The following PCDHGA6 variants were observed in gnomAD, a reference collection of about 807,000 sequenced individuals.
PCDHGA6 encodes the protein protocadherin gamma-A6.
PCDHGA6 carries 41 observed loss-of-function variants against 60.6 expected under a neutral mutation model. That is an observed-to-expected ratio of 0.68 (90% CI 0.53 to 0.88). The LOEUF (loss-of-function observed/expected upper bound fraction) is 0.88. Among genes scored for constraint, PCDHGA6 ranks in the 40% least tolerant of loss-of-function variants. The probability of loss-of-function intolerance (pLI) is 0.00; values close to 1 mark genes in which losing one functional copy is unlikely to be tolerated. For synonymous variants in PCDHGA6, 594 were observed against 524.4 expected, an observed-to-expected ratio of 1.13 and a Z score of -1.81; for missense variants, 1,312 against 1,203.0, an observed-to-expected ratio of 1.09 and a Z score of -1.34.
At chr5:141,425,289 A>C (rs17208404) in intron 1 of PCDHGA6, among the ~76,000 whole-genome samples, 26,691 of 152,172 alleles carry the variant, frequency 0.18, 2,539 homozygotes, top group Admixed American at 0.28. Flanking sequence ...CATATTATAA[A>C]ACCTCATCTA....
At chr5:141,393,299 G>T (rs768038476) in intron 1 of PCDHGA6, 8 of 1,613,780 alleles carry the variant, frequency 5.0e-6, no homozygotes, top group Middle Eastern at 1.6e-4. Context: ...ACCCGGATGT[G>T]GGCGTGAACT....
chr5:141,404,840 C>G lies in PCDHGA6; in HGVS notation c.2424+28333C>G, dbSNP rs377389968. ...GCACACAGGTGAAGTGCGCACAGCT[C>G]GGGCCCTGCTAGATAGAGATGCGCT... is the stretch of plus-strand genomic sequence containing the variant. On this transcript the variant is annotated intron_variant, in intron 1 of 3. Transcript: ENST00000517434. 4 of 1,613,698 alleles carry G rather than the reference C, an allele frequency of 2.5e-6. No individual in the cohort carries two copies. In the Admixed American group the frequency reaches 5.0e-5, roughly 20 times the overall value.
intron 1 of PCDHGA6, chr5:141,385,038 G>C (rs377185831): frequency 4.3e-6 from 7 of 1,614,138 alleles, no homozygotes; most frequent in Non-Finnish European, 5.9e-6. Flanking sequence ...TACTGCTGGC[G>C]CTCAGGCTGC....
chr5:141,375,581 C>A lies in PCDHGA6; in HGVS notation c.1498C>A (p.Pro500Thr). 1.2e-6 allele frequency: 2 copies of A among 1,614,174 alleles called. No homozygotes were observed. The highest frequency in any genetic ancestry group is 8.5e-7 in the Non-Finnish European group (1 of 1,180,018). ...GGCAGAAGACACCCTCCAGGGGGCG[C>A]CCCTGTCCTCCTACGTGTCCATCAA... is the stretch of plus-strand genomic sequence containing the variant. ...SLAEDTLQGA[P>T]LSSYVSINSD... Residue 500 changes from proline to threonine, a missense_variant, in exon 1 of 4, where the codon CCC (proline) becomes ACC (threonine). Transcript: ENST00000517434.
rs769760594 is a variant in PCDHGA6, at chr5:141,389,212, TA to T, written c.2424+12708del. ...AGCATCACCCTGCACATTGGTGATG[TA>T]AATGACAACGCTCCGGTTTTCTCAC... On this transcript the variant is annotated intron_variant, in intron 1 of 3. Coordinates refer to ENST00000517434, the MANE Select transcript of PCDHGA6 (RefSeq NM_018919.3). 96 of 1,614,016 alleles carry T rather than the reference TA, an allele frequency of 5.9e-5. No homozygotes were observed. The East Asian group carries it at 2.0e-3, about 33-fold the overall frequency.
At chr5:141,506,898 T>C (rs2099857040) in intron 3 of PCDHGA6, among the ~76,000 whole-genome samples, 1 of 152,260 alleles carries the variant, frequency 6.6e-6, no homozygotes, top group East Asian at 1.9e-4. Context: ...AGAAGCACTG[T>C]CATCACACCT....
rs1357062991 is a variant in PCDHGA6 at position 141,373,976 on chromosome 5, G to T, written c.-108G>T. 9.4e-7 allele frequency: 1 copy of T among 1,066,506 alleles called. No homozygotes were observed. Among genetic ancestry groups the T allele is most frequent in the Non-Finnish European group, 1.3e-6 (1 of 786,132 alleles). The allele number at this position is 1,066,506 out of a possible 1,614,324, so 66.1% of individuals were successfully genotyped here. A position where few individuals can be genotyped will look rare whatever the true frequency, so the allele number is the denominator to read the frequency against. On this transcript the variant is annotated 5_prime_UTR_variant, in exon 1 of 4. Coordinates refer to ENST00000517434, the MANE Select transcript of PCDHGA6 (RefSeq NM_018919.3). ...TTCTGACCTGAAACGCTTCGCATCC[G>T]GTCTCTGCTTGTTGAAGGACCTTCA...
Position 141,400,079 on chromosome 5 carries a change from C to G in PCDHGA6, c.2424+23572C>G, listed in dbSNP as rs1377742612. On this transcript the variant is annotated intron_variant, in intron 1 of 3. Coordinates refer to ENST00000517434, the MANE Select transcript of PCDHGA6 (RefSeq NM_018919.3). ...CGTGATGGTGGACAGCCGCCACTCT[C>G]CGCCACCGCCACGCTGCACTTGGTC... 2.5e-6 allele frequency: 4 copies of G among 1,613,924 alleles called. No individual in the cohort carries two copies. In the East Asian group the frequency reaches 6.7e-5, roughly 27 times the overall value.
At position 141,375,325 on chromosome 5, in the gene PCDHGA6, G is replaced by A. The variant is rs1021429198; in HGVS notation, c.1242G>A (p.Glu414=). 6 of 1,613,650 alleles carry A rather than the reference G, an allele frequency of 3.7e-6. No homozygotes were observed. The highest frequency in any genetic ancestry group is 1.7e-5 in the Admixed American group (1 of 60,002). ...LVTNAALDRE[E]VFLYNITVTA... ...CAAATGCAGCTCTAGACCGGGAAGA[G>A]GTATTCTTGTACAACATCACTGTGA... Residue 414 remains glutamate (E), a synonymous_variant, in exon 1 of 4, where the codon GAG becomes GAA. Coordinates refer to ENST00000517434, the MANE Select transcript of PCDHGA6 (RefSeq NM_018919.3).
chr5:141,439,176 T>C (rs1044289122), intron 1 of PCDHGA6, among the ~76,000 whole-genome samples: 3 of 146,068 alleles, frequency 2.1e-5, no homozygotes, highest in African/African-American at 7.8e-5. Context: ...CTGGGCGACA[T>C]AGTGAGACTC....
chr5:141,432,707 G>T lies in PCDHGA6; in HGVS notation c.2424+56200G>T. The T allele has an allele frequency of 6.2e-7, 1 of 1,613,988 alleles. No homozygotes were observed. The highest frequency in any genetic ancestry group is 1.1e-5 in the South Asian group (1 of 91,080). ...CCTCGTAGTGGCCGTCCAGGACCAC[G>T]GCCAGCCCCCTCTCTCCGCCACTGT... On this transcript the variant is annotated intron_variant, in intron 1 of 3. Transcript: ENST00000517434. The surrounding 1 kb of genome is among the most constrained non-coding windows in gnomAD (Gnocchi z 6.0).
chr5:141,386,419 G>T (rs952384075), intron 1 of PCDHGA6, among the ~76,000 whole-genome samples: 1 of 152,112 alleles, frequency 6.6e-6, no homozygotes, highest in African/African-American at 2.4e-5. Flanking sequence ...GTTGCAAGCT[G>T]TAGCCCACCT....
intron 1 of PCDHGA6, chr5:141,433,097 G>C: frequency 6.2e-7 from 1 of 1,614,162 alleles, no homozygotes; most frequent in Non-Finnish European, 8.5e-7. Context: ...AGACATGCTC[G>C]TCAGCCAGGA....
In PCDHGA6 at chr5:141,418,814, A is replaced by G. The variant is rs2096290321; in HGVS notation, c.2424+42307A>G. ...AGAAGTAGAAAGATATACGATAAACATAGAAGCAAAAGACCGAGGATCTCT... is the reference window on the plus strand; with the variant it reads ...AGAAGTAGAAAGATATACGATAAACGTAGAAGCAAAAGACCGAGGATCTCT... On this transcript the variant is annotated intron_variant, in intron 1 of 3. Transcript: ENST00000517434. The G allele has an allele frequency of 6.2e-7, 1 of 1,613,962 alleles. No individual in the cohort carries two copies.
intron 1 of PCDHGA6, among the ~76,000 whole-genome samples, chr5:141,456,736 G>A (rs1339661302): frequency 1.3e-5 from 2 of 151,924 alleles, no homozygotes; most frequent in Non-Finnish European, 2.9e-5. Context: ...AGGCTGAGGC[G>A]GGAGCATCAT....
chr5:141,385,672 C>A, intron 1 of PCDHGA6: 2 of 389,948 alleles, frequency 5.1e-6, no homozygotes, highest in Non-Finnish European at 7.4e-6. Flanking sequence ...ATAAAACACA[C>A]CTCAGCTGTC....
At chr5:141,413,451 CA>C (rs1561742676) in intron 1 of PCDHGA6, 1 of 1,614,118 alleles carries the variant, frequency 6.2e-7, no homozygotes, top group East Asian at 2.2e-5. Context: ...TCACCGCGGG[CA>C]GGATAGACCG....
chr5:141,395,528 A>T, intron 1 of PCDHGA6: 1 of 368,434 alleles, frequency 2.7e-6, no homozygotes, highest in Non-Finnish European at 4.9e-6. Flanking sequence ...CCATACTGGT[A>T]ATTTTGCTAT....
intron 1 of PCDHGA6, among the ~76,000 whole-genome samples, chr5:141,465,368 A>C (rs940928815): frequency 1.3e-5 from 2 of 152,114 alleles, no homozygotes; most frequent in Admixed American, 6.6e-5. Flanking sequence ...TGCCCTTTAA[A>C]GTTGTAAGAT....
Sources: gnomAD v4.1 joint callset for allele counts (sites outside exome capture counted in the v4.1 genomes callset) on GRCh38, gnomAD v4.1.1 for gene constraint, Gnocchi (gnomAD v3.1) non-coding constraint, MANE v1.5 for transcripts, NCBI Gene and HGNC (gene_info 2026-07-23, HGNC 2026-07-21) for gene names.